The following HADHA variants were observed in gnomAD, a reference collection of about 807,000 sequenced individuals.
HADHA encodes the protein hydroxyacyl-CoA dehydrogenase trifunctional multienzyme complex subunit alpha, also known as trifunctional enzyme subunit alpha, mitochondrial.
HADHA carries 59 observed loss-of-function variants against 91.3 expected under a neutral mutation model. That is an observed-to-expected ratio of 0.65 (90% CI 0.52 to 0.80). HADHA has a LOEUF of 0.80. Among genes scored for constraint, HADHA ranks in the 30% least tolerant of loss-of-function variants. The pLI is 0.00. For synonymous variants in HADHA, 320 were observed against 338.9 expected (o/e 0.94, Z 0.61); for missense variants, 800 against 927.6 (o/e 0.86, Z 1.79).
chr2:26,219,062 T>C (rs1670306974), intron 7 of HADHA, among the ~76,000 whole-genome samples: 1 of 148,888 alleles, frequency 6.7e-6, no homozygotes, highest in Non-Finnish European at 1.5e-5. Context: ...TAAAAATGTA[T>C]ACTGTAAAAC....
intron 7 of HADHA, among the ~76,000 whole-genome samples, chr2:26,216,391 G>A (rs562530016): frequency 2.4e-4 from 36 of 148,288 alleles, no homozygotes; most frequent in South Asian, 1.1e-3. Context: ...TGTGATCTTG[G>A]CTCACTGCAA....
chr2:26,208,737 C>G (rs1270653393), intron 11 of HADHA, among the ~76,000 whole-genome samples: 2 of 152,176 alleles, frequency 1.3e-5, no homozygotes, highest in Admixed American at 1.3e-4. Flanking sequence ...GTAATTTACC[C>G]TGCTCATCGA....
Position 26,190,646 on chromosome 2 carries a change from GAA to G in HADHA, c.*602_*603del, listed in dbSNP as rs945210906. On this transcript the variant is annotated 3_prime_UTR_variant, in exon 20 of 20. Coordinates refer to ENST00000380649, the MANE Select transcript of HADHA (RefSeq NM_000182.5). ...ACACAATGAGGAAATCCAGGCTGGG[GAA>G]AGAGGTTTAATATCCCGGTACACCG... 1 of 158,236 alleles carries G rather than the reference GAA, an allele frequency of 6.3e-6. No individual in the cohort carries two copies. The highest frequency in any genetic ancestry group is 2.4e-5 in the African/African-American group (1 of 41,496). The allele number at this position is 158,236 out of a possible 1,614,324, so 9.8% of individuals were successfully genotyped here. A position where few individuals can be genotyped will look rare whatever the true frequency, so the allele number is the denominator to read the frequency against.
intron 10 of HADHA, chr2:26,212,334 A>G: frequency 1.9e-6 from 1 of 513,520 alleles, no homozygotes; most frequent in Non-Finnish European, 3.5e-6. Context: ...CGATCTGCCC[A>G]CCTCGGCCTC....
In HADHA at chr2:26,219,198, G is replaced by A. The variant is rs1260053884; in HGVS notation, c.677-4023C>T. On this transcript the variant is annotated intron_variant, in intron 7 of 19. Transcript: ENST00000380649. ...GGCTGGAGTGCAGTGGTGTGATCTC[G>A]GCTCACTGCAACCTCCACCTCCCAG... 1.6e-4 allele frequency among the ~76,000 whole-genome samples: 24 copies of A among 149,894 alleles called. 1 individual carries two copies. Among genetic ancestry groups the A allele is most frequent in the East Asian group, 1.2e-3 (6 of 4,974 alleles).
At chr2:26,194,543 G>A (rs375942479) in intron 16 of HADHA, 27 bp downstream of exon 16, 23 of 1,447,338 alleles carry the variant, frequency 1.6e-5, no homozygotes, top group Middle Eastern at 1.7e-4. Context: ...GGAAGATGCC[G>A]CAAACACTCT....
Position 26,195,184 on chromosome 2 carries a change from C to G in HADHA, c.1528G>C (p.Glu510Gln), listed in dbSNP as rs137852769. The G allele has an allele frequency of 1.3e-3, 2,162 of 1,612,330 alleles. No homozygotes were observed. The highest frequency in any genetic ancestry group is 1.5e-3 in the Non-Finnish European group (1,749 of 1,178,464). The change falls in exon 15 of 20, where the codon GAG becomes CAG. Residue 510 changes from glutamate to glutamine, a missense_variant. Transcript: ENST00000380649. ...FSPVDKMQLL[E>Q]IITTEKTSKD... Reference sequence around the variant, plus strand: ...GAAGTTTTCTCGGTCGTGATAATCTCCAGCAGCTGCATCTTGTCCACGGGA... The same window carrying G: ...GAAGTTTTCTCGGTCGTGATAATCTGCAGCAGCTGCATCTTGTCCACGGGA...
In HADHA at chr2:26,192,323, G is replaced by T. The variant is rs777441854; in HGVS notation, c.1987C>A (p.Pro663Thr). The T allele has an allele frequency of 7.0e-6, 11 of 1,573,558 alleles. No individual in the cohort carries two copies. Among genetic ancestry groups the T allele is most frequent in the Non-Finnish European group, 9.6e-6 (11 of 1,143,088 alleles). ...DSILASLKLP[P>T]KSEVSSDEDI... ...AAACGGACTTACACTTCAGACTTAG[G>T]AGGCAGCTTCAGACTCGCTAAAATA... Residue 663 changes from proline (P) to threonine (T), a missense_variant, in exon 18 of 20, where the codon CCT (proline) becomes ACT (threonine). Physicochemically the swap from Pro to Thr is conservative, Grantham distance 38. Transcript: ENST00000380649.
chr2:26,234,511 C>A (rs1222310279), intron 4 of HADHA, among the ~76,000 whole-genome samples, 156 bp from the exon 5 acceptor site: 1 of 152,220 alleles, frequency 6.6e-6, no homozygotes, highest in African/African-American at 2.4e-5. Context: ...TCAAATAGCA[C>A]AATAGCAGCA....
chr2:26,233,492 A>G (rs1434601225), intron 5 of HADHA, among the ~76,000 whole-genome samples: 1 of 152,086 alleles, frequency 6.6e-6, no homozygotes, highest in Admixed American at 6.5e-5. Flanking sequence ...TCTTTCCTAC[A>G]TGTTCGGGTC....
intron 5 of HADHA, among the ~76,000 whole-genome samples, chr2:26,233,870 C>T (rs1670683319): frequency 6.6e-6 from 1 of 152,180 alleles, no homozygotes; most frequent in Non-Finnish European, 1.5e-5. Flanking sequence ...CACCTGAGGT[C>T]AGGAGTTTGA....
chr2:26,203,465 T>A (rs1669904061), intron 12 of HADHA, among the ~76,000 whole-genome samples: 1 of 152,164 alleles, frequency 6.6e-6, no homozygotes, highest in South Asian at 2.1e-4. Flanking sequence ...GGAAGGGGAA[T>A]AATATTCCCC....
intron 3 of HADHA, among the ~76,000 whole-genome samples, chr2:26,237,825 G>A (rs976672054): frequency 6.6e-6 from 1 of 152,064 alleles, no homozygotes; most frequent in African/African-American, 2.4e-5. Flanking sequence ...TTACTTTTGT[G>A]TTCAGGAAAA....
intron 15 of HADHA, 146 bp downstream of exon 15, chr2:26,194,946 C>T (rs868491913): frequency 2.5e-6 from 2 of 797,628 alleles, no homozygotes; most frequent in African/African-American, 1.7e-5. Flanking sequence ...CAGTCAATAC[C>T]ACCGTCCATC....
Position 26,214,635 on chromosome 2 carries a change from T to C in HADHA, c.800-74A>G. 1.2e-6 allele frequency: 1 copy of C among 830,570 alleles called. No individual in the cohort carries two copies. The allele number at this position is 830,570 out of a possible 1,614,324, so 51.5% of individuals were successfully genotyped here. On this transcript the variant is annotated intron_variant, in intron 8 of 19. Coordinates refer to ENST00000380649, the MANE Select transcript of HADHA (RefSeq NM_000182.5). The surrounding 1 kb of genome is among the most constrained non-coding windows in gnomAD (Gnocchi z 4.1). Reference sequence around the variant, plus strand: ...CCTTGTTAGTTTATGCTCTAAACTCTATAAAAATGAAGTAATTCTAGCTAT... The same window carrying C: ...CCTTGTTAGTTTATGCTCTAAACTCCATAAAAATGAAGTAATTCTAGCTAT...
chr2:26,195,147 C>T lies in HADHA; in HGVS notation c.1565G>A (p.Ser522Asn), dbSNP rs1451513233. The change falls in exon 15 of 20, where the codon AGT becomes AAT. Residue 522 changes from serine (S) to asparagine (N), a missense_variant. Ser to Asn is a conservative substitution (Grantham distance 46). Coordinates refer to ENST00000380649, the MANE Select transcript of HADHA (RefSeq NM_000182.5). ...GAGACCAACTGCTACAGCTGAAGCA[C>T]TGGTGTCTTTGGAAGTTTTCTCGGT... ...ITTEKTSKDT[S>N]ASAVAVGLKQ... The T allele has an allele frequency of 1.9e-6, 3 of 1,612,564 alleles. No homozygotes were observed. Among genetic ancestry groups the T allele is most frequent in the African/African-American group, 2.7e-5 (2 of 74,840 alleles).
intron 7 of HADHA, among the ~76,000 whole-genome samples, chr2:26,219,435 T>C (rs1670318615): frequency 6.6e-6 from 1 of 152,048 alleles, no homozygotes; most frequent in South Asian, 2.1e-4. Flanking sequence ...CAATAAAAAA[T>C]TATTAATCCA....
At chr2:26,211,289 C>CATCTAGTACCAGAAAA (rs1483867178) in intron 10 of HADHA, among the ~76,000 whole-genome samples, 3 of 151,946 alleles carry the variant, frequency 2.0e-5, no homozygotes, top group African/African-American at 7.2e-5. Context: ...CCCAATGAGA[C>CATCTAGTACCAGAAAA]ATCTAGTACC....
At chr2:26,196,150 A>C (rs774490806) in intron 14 of HADHA, among the ~76,000 whole-genome samples, 1 of 152,196 alleles carries the variant, frequency 6.6e-6, no homozygotes, top group Non-Finnish European at 1.5e-5. Flanking sequence ...CTAATTATCT[A>C]GATGAGGAAA....
Sources: gnomAD v4.1 joint callset for allele counts (sites outside exome capture counted in the v4.1 genomes callset) on GRCh38, gnomAD v4.1.1 for gene constraint, Gnocchi (gnomAD v3.1) non-coding constraint, MANE v1.5 for transcripts, NCBI Gene and HGNC (gene_info 2026-07-23, HGNC 2026-07-21) for gene names.